Variants in FMN1 observed in about 807,000 individuals in gnomAD.
The protein encoded by FMN1 is formin-1.
A neutral mutation model predicts 132.4 loss-of-function variants in FMN1; 110 were observed. The observed-to-expected ratio is 0.83, with a 90% CI of 0.71 to 0.97. FMN1 has a LOEUF of 0.97. Among genes scored for constraint, FMN1 ranks in the 50% least tolerant of loss-of-function variants. FMN1 has a pLI of 0.00. For synonymous variants in FMN1, 722 were observed against 651.7 expected (o/e 1.11, Z -1.64); for missense variants, 1,792 against 1,705.3 (o/e 1.05, Z -0.90).
intron 6 of FMN1, among the ~76,000 whole-genome samples, chr15:33,025,983 T>C (rs990288942): frequency 3.3e-5 from 5 of 152,000 alleles, no homozygotes; most frequent in African/African-American, 1.2e-4. Context: ...ATGTAAGAAT[T>C]GGAAAAGAAG....
In FMN1 at chr15:32,969,181, C is replaced by G. The variant is rs758033400; in HGVS notation, c.2520G>C (p.Gln840His). The G allele has an allele frequency of 1.2e-5, 20 of 1,613,906 alleles. No individual in the cohort carries two copies. The East Asian group carries it at 4.0e-4, about 32-fold the overall frequency. The change falls in exon 8 of 21, where the codon CAG becomes CAC. Residue 840 changes from glutamine (Q) to histidine (H), a missense_variant. By Grantham distance (24) the Gln-to-His change is conservative. Coordinates refer to ENST00000616417, the MANE Select transcript of FMN1 (RefSeq NM_001277313.2). Reference protein sequence around the residue: ...PKKLNISSLSQLSPPNDHKDI... With the variant: ...PKKLNISSLSHLSPPNDHKDI... ...CTTTGTGGTCATTTGGGGGTGAGAG[C>G]TGGCTTAAAGAGGAGATATTCAGCT... is the stretch of plus-strand genomic sequence containing the variant.
At chr15:33,031,948 A>G (rs752424331) in intron 6 of FMN1, among the ~76,000 whole-genome samples, 1 of 150,304 alleles carries the variant, frequency 6.7e-6, no homozygotes, top group Non-Finnish European at 1.5e-5. Flanking sequence ...TCACATTTTT[A>G]TGTCATGAAA....
chr15:32,958,510 T>C (rs1319892238), intron 9 of FMN1, among the ~76,000 whole-genome samples: 1 of 152,120 alleles, frequency 6.6e-6, no homozygotes, highest in Admixed American at 6.5e-5. Flanking sequence ...CTAGACTACA[T>C]GATATTACAG....
intron 6 of FMN1, among the ~76,000 whole-genome samples, chr15:33,053,998 T>C (rs2037101047): frequency 6.6e-6 from 1 of 152,172 alleles, no homozygotes; most frequent in Non-Finnish European, 1.5e-5. Flanking sequence ...GAACTCAATC[T>C]CCAGTGCCTC....
chr15:33,001,840 T>C (rs1226404217), intron 7 of FMN1, among the ~76,000 whole-genome samples: 2 of 151,904 alleles, frequency 1.3e-5, no homozygotes, highest in African/African-American at 2.4e-5. Context: ...CCTTGTGCCC[T>C]TTCCATACTG....
rs181387161 is a variant in FMN1 at position 32,954,515 on chromosome 15, G to A, written c.3138+9592C>T. 5.3e-4 allele frequency among the ~76,000 whole-genome samples: 81 copies of A among 152,282 alleles called. 1 individual carries two copies. Among genetic ancestry groups the A allele is most frequent in the Admixed American group, 2.6e-3 (40 of 15,290 alleles). On this transcript the variant is annotated intron_variant, in intron 9 of 20. Transcript: ENST00000616417. ...TTTGACAGATGAGAAACCTGAGATC[G>A]GAGAATTTAAAGGACTTGTTCGGGA...
intron 3 of FMN1, among the ~76,000 whole-genome samples, chr15:33,169,827 G>T (rs1254313220): frequency 2.7e-5 from 4 of 147,244 alleles, no homozygotes; most frequent in Non-Finnish European, 5.9e-5. Flanking sequence ...AACCAGATGA[G>T]GCCACTATTG....
At chr15:33,080,998 G>A (rs2141322969) in intron 5 of FMN1, among the ~76,000 whole-genome samples, 1 of 152,246 alleles carries the variant, frequency 6.6e-6, no homozygotes, top group South Asian at 2.1e-4. Context: ...AAGATGATGA[G>A]ATGATGCAGG....
intron 16 of FMN1, among the ~76,000 whole-genome samples, chr15:32,886,653 A>C (rs1043537345): frequency 3.9e-4 from 59 of 152,238 alleles, no homozygotes; most frequent in African/African-American, 1.4e-3. Flanking sequence ...CGGCTCAAAG[A>C]CTATAGGAGA....
intron 19 of FMN1, 145 bp downstream of exon 19, chr15:32,798,659 C>T: frequency 1.5e-6 from 1 of 676,104 alleles, no homozygotes; most frequent in South Asian, 2.4e-5. Flanking sequence ...TCCCTACGAT[C>T]CCTGAGGCAA....
chr15:33,026,663 A>G (rs1481094012), intron 6 of FMN1, among the ~76,000 whole-genome samples: 1 of 152,164 alleles, frequency 6.6e-6, no homozygotes, highest in Non-Finnish European at 1.5e-5. Flanking sequence ...TTGTGCTTTG[A>G]CTCAGTAACT....
chr15:33,125,798 C>T (rs567735378), intron 4 of FMN1, among the ~76,000 whole-genome samples: 7 of 152,206 alleles, frequency 4.6e-5, no homozygotes, highest in African/African-American at 1.7e-4. Flanking sequence ...AGTGACTGAG[C>T]CCTTCCTATT....
intron 7 of FMN1, among the ~76,000 whole-genome samples, chr15:32,992,060 A>C (rs919939865): frequency 1.3e-5 from 2 of 152,196 alleles, no homozygotes; most frequent in African/African-American, 2.4e-5. Context: ...CAGAGTCATA[A>C]AACAACATTG....
At chr15:33,181,682 T>A (rs1220696746) in intron 2 of FMN1, among the ~76,000 whole-genome samples, 1 of 151,858 alleles carries the variant, frequency 6.6e-6, no homozygotes. Flanking sequence ...GATCTGATTA[T>A]ATTCTTTTCT....
intron 6 of FMN1, among the ~76,000 whole-genome samples, chr15:33,059,792 C>G (rs73378505): frequency 0.015 from 2,304 of 152,278 alleles, 54 homozygotes; most frequent in African/African-American, 0.053. Context: ...TTTTTATATT[C>G]TAAAAACTGA....
intron 6 of FMN1, among the ~76,000 whole-genome samples, chr15:33,047,857 C>T (rs2036760162): frequency 6.6e-6 from 1 of 152,052 alleles, no homozygotes; most frequent in Non-Finnish European, 1.5e-5. Flanking sequence ...GGACTCCATC[C>T]TAAAGCAAGT....
chr15:32,896,848 T>C lies in FMN1; in HGVS notation c.3714+1986A>G, dbSNP rs117194175. Among the ~76,000 whole-genome samples the C allele has an allele frequency of 6.3e-3, 959 of 152,342 alleles. 3 individuals carry two copies. The highest frequency in any genetic ancestry group is 0.011 in the Non-Finnish European group (752 of 68,012). On this transcript the variant is annotated intron_variant, in intron 15 of 20. Transcript: ENST00000616417. ...TAGATTTGTTTCCAAATCTTAGCGA[T>C]TGTGAACAATGTTTCAATGAATATG...
Position 32,866,335 on chromosome 15 carries a change from A to C in FMN1, c.3836-9228T>G, listed in dbSNP as rs568546772. Among the ~76,000 whole-genome samples the C allele has an allele frequency of 2.0e-5, 3 of 152,278 alleles. No homozygotes were observed. In the East Asian group the frequency reaches 5.8e-4, roughly 29 times the overall value. ...CTCTATTTGGCTGGAAAAGTTATTT[A>C]ATATCTGACTCTTAGTTTCTTGATA... On this transcript the variant is annotated intron_variant, in intron 16 of 20. Coordinates refer to ENST00000616417, the MANE Select transcript of FMN1 (RefSeq NM_001277313.2).
chr15:33,093,758 T>C (rs1312723661), intron 4 of FMN1, among the ~76,000 whole-genome samples: 2 of 152,044 alleles, frequency 1.3e-5, no homozygotes, highest in South Asian at 2.1e-4. Flanking sequence ...TGATGGCAAA[T>C]CAAAAAGTAG....
Sources: allele counts gnomAD v4.1 joint callset (sites outside exome capture counted in the v4.1 genomes callset), GRCh38; gene constraint gnomAD v4.1.1; transcripts MANE v1.5; gene names NCBI Gene and HGNC (gene_info 2026-07-23, HGNC 2026-07-21).